MAF: variants seen among roughly 807,000 people sequenced by gnomAD.
MAF encodes the protein MAF bZIP transcription factor.
A neutral mutation model predicts 22.0 loss-of-function variants in MAF; 10 were observed. The ratio of observed to expected loss-of-function variants is 0.45; its 90% CI spans 0.28 to 0.77. The LOEUF is 0.77. Ranked by LOEUF, MAF falls within the 30% of genes least tolerant of loss-of-function variation. MAF has a pLI of 0.12. For missense variants in MAF, 544 were observed against 548.4 expected, an observed-to-expected ratio of 0.99 and a Z score of 0.08; for synonymous variants, 337 against 255.8, an observed-to-expected ratio of 1.32 and a Z score of -3.03.
At chr16:79,596,783 C>T (rs1449663934) in intron 1 of MAF, 3 of 1,046,820 alleles carry the variant, frequency 2.9e-6, no homozygotes, top group East Asian at 5.6e-5. Flanking sequence ...TCCAGTTCTG[C>T]ACCACAATAC....
the MAF span, among the ~76,000 whole-genome samples, chr16:79,341,710 G>A: frequency 5.9e-5 from 9 of 152,300 alleles, no homozygotes; most frequent in African/African-American, 1.9e-4. Flanking sequence ...TGGCTTTGGT[G>A]CACAGAGTGG....
At chr16:79,577,634 C>T in the MAF span, among the ~76,000 whole-genome samples, 22 of 152,176 alleles carry the variant, frequency 1.4e-4, no homozygotes, top group African/African-American at 5.1e-4. Flanking sequence ...GAAGTTGTCT[C>T]TAACTCCTGA....
chr16:79,504,561 G>T, the MAF span, among the ~76,000 whole-genome samples: 4 of 152,166 alleles, frequency 2.6e-5, no homozygotes. Context: ...ATTCTTACTT[G>T]AATGGATGGA....
the MAF span, among the ~76,000 whole-genome samples, chr16:79,266,658 T>A: frequency 3.9e-5 from 6 of 152,320 alleles, no homozygotes; most frequent in East Asian, 1.9e-4. Context: ...TCAACCAGCT[T>A]CTTCATCTTG....
chr16:79,469,575 C>CATTT, the MAF span, among the ~76,000 whole-genome samples: 14 of 152,042 alleles, frequency 9.2e-5, no homozygotes, highest in African/African-American at 2.7e-4. Flanking sequence ...TGCAAGGTCT[C>CATTT]ATTTATTTAT....
the MAF span, among the ~76,000 whole-genome samples, chr16:79,466,006 A>T: frequency 6.6e-6 from 1 of 152,212 alleles, no homozygotes; most frequent in African/African-American, 2.4e-5. Context: ...ATTGTTGAAT[A>T]AAAGGATGAA....
the MAF span, among the ~76,000 whole-genome samples, chr16:79,389,496 A>T: frequency 6.6e-6 from 1 of 152,184 alleles, no homozygotes; most frequent in African/African-American, 2.4e-5. Context: ...TCCTGACCTC[A>T]AGTGATCCAC....
the MAF span, among the ~76,000 whole-genome samples, chr16:79,286,601 G>A: frequency 3.3e-5 from 5 of 152,186 alleles, no homozygotes; most frequent in Admixed American, 3.3e-4. Context: ...ACTTTTTTCA[G>A]CATAGGCAAA....
the MAF span, among the ~76,000 whole-genome samples, chr16:79,298,551 C>T: frequency 6.6e-6 from 1 of 152,172 alleles, no homozygotes; most frequent in Non-Finnish European, 1.5e-5. Flanking sequence ...GTGCCAATCA[C>T]GGGCCTCTCT....
At chr16:79,327,657 A>G in the MAF span, among the ~76,000 whole-genome samples, 1 of 152,104 alleles carries the variant, frequency 6.6e-6, no homozygotes, top group Non-Finnish European at 1.5e-5. Flanking sequence ...TCTCTATCCA[A>G]ATGATACACA....
chr16:79,577,728 A>G, the MAF span, among the ~76,000 whole-genome samples: 2 of 152,218 alleles, frequency 1.3e-5, no homozygotes, highest in African/African-American at 4.8e-5. Context: ...GACTTTCATA[A>G]TAGTCTCCAC....
the MAF span, among the ~76,000 whole-genome samples, chr16:79,573,493 T>C: frequency 6.6e-6 from 1 of 152,230 alleles, no homozygotes; most frequent in African/African-American, 2.4e-5. Flanking sequence ...CCATATCTTC[T>C]GGAAAGCATT....
At chr16:79,548,820 C>A in the MAF span, among the ~76,000 whole-genome samples, 1 of 152,218 alleles carries the variant, frequency 6.6e-6, no homozygotes, top group South Asian at 2.1e-4. Context: ...GGCAGACACA[C>A]CAGAAGGTAA....
At chr16:79,479,610 G>C in the MAF span, among the ~76,000 whole-genome samples, 1 of 152,184 alleles carries the variant, frequency 6.6e-6, no homozygotes, top group Non-Finnish European at 1.5e-5. Context: ...AAGCCAACTT[G>C]CCTGTATCTG....
the MAF span, among the ~76,000 whole-genome samples, chr16:79,357,355 CAGG>C: frequency 1.3e-5 from 2 of 152,174 alleles, no homozygotes; most frequent in Non-Finnish European, 2.9e-5. Context: ...GAGGCTGAGG[CAGG>C]AGAGTTGCTT....
the MAF span, among the ~76,000 whole-genome samples, chr16:79,493,010 G>A: frequency 1.3e-5 from 2 of 151,928 alleles, no homozygotes; most frequent in Non-Finnish European, 2.9e-5. Context: ...CCAGGCTGGA[G>A]TGCAGTGGCA....
At chr16:79,324,816 C>G in the MAF span, among the ~76,000 whole-genome samples, 5 of 152,218 alleles carry the variant, frequency 3.3e-5, no homozygotes, top group Non-Finnish European at 7.3e-5. Flanking sequence ...CTTAAAACAA[C>G]ACAAATCTAT....
At chr16:79,212,331 AG>A in the MAF span, 1 of 738,822 alleles carries the variant, frequency 1.4e-6, no homozygotes. Context: ...ACCTTGTCCC[AG>A]CCAGTGAGGA....
chr16:79,371,512 CCT>C, the MAF span, among the ~76,000 whole-genome samples: 1 of 152,164 alleles, frequency 6.6e-6, no homozygotes, highest in Admixed American at 6.5e-5. Flanking sequence ...TGACCCATCC[CCT>C]GACTGCCTTT....
Sources: allele counts gnomAD v4.1 joint callset (sites outside exome capture counted in the v4.1 genomes callset), GRCh38; gene constraint gnomAD v4.1.1; transcripts MANE v1.5; gene names NCBI Gene and HGNC (gene_info 2026-07-23, HGNC 2026-07-21).